The following ATRIP variants were observed in gnomAD, a reference collection of about 807,000 sequenced individuals.
The protein encoded by ATRIP is ATR-interacting protein.
In ATRIP, 44 loss-of-function variants were observed where a neutral mutation model predicts 78.1. The ratio of observed to expected loss-of-function variants is 0.56; its 90% CI spans 0.44 to 0.72. The LOEUF is 0.72. ATRIP is among the 30% of genes least tolerant of loss of function. The pLI is 0.00. For synonymous variants in ATRIP, 388 were observed against 408.9 expected (o/e 0.95, Z 0.62); for missense variants, 927 against 980.2 (o/e 0.95, Z 0.72).
In ATRIP at chr3:48,447,027, A is replaced by AAGT; in HGVS notation, c.182_183insAGT (p.Glu61_Glu62insVal). On this transcript the variant is annotated inframe_insertion, in exon 1 of 13. Coordinates refer to ENST00000320211, the MANE Select transcript of ATRIP (RefSeq NM_130384.3). ...GGGGACTTCACTGCCGACGACCTGG[A>AAGT]GGAGCTTGACACCCTCGCGTCACAG... 1 of 1,571,790 alleles carries AAGT rather than the reference A, an allele frequency of 6.4e-7. No individual in the cohort carries two copies. Among genetic ancestry groups the AAGT allele is most frequent in the Non-Finnish European group, 8.6e-7 (1 of 1,161,476 alleles).
chr3:48,453,616 G>A (rs2039885676), intron 3 of ATRIP, among the ~76,000 whole-genome samples: 1 of 152,196 alleles, frequency 6.6e-6, no homozygotes, highest in Non-Finnish European at 1.5e-5. Context: ...GGCAGTTACT[G>A]TTGGCTGTAG....
intron 2 of ATRIP, chr3:48,450,608 T>TC: frequency 1.9e-6 from 2 of 1,040,472 alleles, no homozygotes; most frequent in Admixed American, 5.5e-5. Flanking sequence ...TTTTTTTTTT[T>TC]TGGAGATGGA....
Position 48,460,669 on chromosome 3 carries a change from T to C in ATRIP, c.1615T>C (p.Leu539=), listed in dbSNP as rs2040080459. The C allele has an allele frequency of 1.9e-6, 3 of 1,614,196 alleles. No individual in the cohort carries two copies. Among genetic ancestry groups the C allele is most frequent in the East Asian group, 4.5e-5 (2 of 44,890 alleles). Reference sequence around the variant, plus strand: ...TGATGACCAAGGACAGCACCCACTGTTGAAGATGCTTCTTCACCTGTTGGC... The same window carrying C: ...TGATGACCAAGGACAGCACCCACTGCTGAAGATGCTTCTTCACCTGTTGGC... ...VADDQGQHPL[L]KMLLHLLAFS... Residue 539 remains leucine (L), a synonymous_variant, in exon 8 of 13, where the codon TTG becomes CTG. Transcript: ENST00000320211.
chr3:48,455,718 G>A (rs909009332), intron 4 of ATRIP, among the ~76,000 whole-genome samples: 2 of 151,466 alleles, frequency 1.3e-5, no homozygotes, highest in African/African-American at 4.8e-5. Flanking sequence ...AGCTGCTCTC[G>A]AACTCCTGAC....
chr3:48,450,750 C>T (rs1340633737), intron 2 of ATRIP, among the ~76,000 whole-genome samples: 1 of 151,976 alleles, frequency 6.6e-6, no homozygotes, highest in Non-Finnish European at 1.5e-5. Flanking sequence ...CGACGCCCAG[C>T]TAATTCTTGT....
At position 48,459,861 on chromosome 3, in the gene ATRIP, A is replaced by C. The variant is rs1660968456; in HGVS notation, c.1000A>C (p.Ser334Arg). The change falls in exon 7 of 13, where the codon AGT becomes CGT. Residue 334 changes from serine (S) to arginine (R), a missense_variant. Ser to Arg is a moderately radical substitution (Grantham distance 110, BLOSUM62 -1). Transcript: ENST00000320211. Reference sequence around the variant, plus strand: ...ATCCCTAAGCCTTTGCCACCTCCTGAGTAGTAGTTCTGAGTCTCCTGCTGG... The same window carrying C: ...ATCCCTAAGCCTTTGCCACCTCCTGCGTAGTAGTTCTGAGTCTCCTGCTGG... ...GSSLSLCHLL[S>R]SSSESPAGTP... 8.1e-6 allele frequency: 13 copies of C among 1,613,904 alleles called. No individual in the cohort carries two copies. The highest frequency in any genetic ancestry group is 1.1e-5 in the Non-Finnish European group (13 of 1,179,932).
intron 2 of ATRIP, among the ~76,000 whole-genome samples, chr3:48,451,128 G>A (rs1250579439): frequency 1.3e-5 from 2 of 151,816 alleles, no homozygotes; most frequent in East Asian, 3.9e-4. Context: ...GGTGAAGGTT[G>A]CAGTGAGCCG....
Position 48,451,891 on chromosome 3 carries a change from T to A in ATRIP, c.544T>A (p.Ser182Thr), listed in dbSNP as rs569929723. ...ACTCAGTGACAAGGAAAAGGAATTC[T>A]CCAAAAAGGTGACCCAGAGCATTTG... ...QALSDKEKEF[S>T]KKLQSLQSEL... Residue 182 changes from serine (S) to threonine (T), a missense_variant, in exon 3 of 13, where the codon TCC becomes ACC. Physicochemically the swap from Ser to Thr is moderately conservative, Grantham distance 58 (BLOSUM62 1). Coordinates refer to ENST00000320211, the MANE Select transcript of ATRIP (RefSeq NM_130384.3). 1.4e-5 allele frequency: 22 copies of A among 1,602,818 alleles called. 1 individual carries two copies. The South Asian group carries it at 2.1e-4, about 16-fold the overall frequency.
intron 4 of ATRIP, among the ~76,000 whole-genome samples, chr3:48,455,671 T>A (rs997508286): frequency 3.3e-5 from 5 of 151,862 alleles, no homozygotes; most frequent in Non-Finnish European, 7.4e-5. Context: ...TTTGTATTTT[T>A]TTTTTAAGTA....
At position 48,460,501 on chromosome 3, in the gene ATRIP, C is replaced by T; in HGVS notation, c.1447C>T (p.Gln483Ter). Residue 483 changes from glutamine to a stop codon, truncating the protein, a stop_gained, in exon 8 of 13, where the codon CAG becomes TAG. Transcript: ENST00000320211. LOFTEE classifies it high-confidence loss of function. ...GFSVTALSIL[Q>*]HLVCHSGAVV... Reference sequence around the variant, plus strand: ...CTCTGTGACTGCACTTAGCATTCTTCAGCACCTGGTGTGCCACAGCGGAGC... The same window carrying T: ...CTCTGTGACTGCACTTAGCATTCTTTAGCACCTGGTGTGCCACAGCGGAGC... The T allele has an allele frequency of 6.2e-7, 1 of 1,612,486 alleles. No individual in the cohort carries two copies. The highest frequency in any genetic ancestry group is 1.7e-5 in the Admixed American group (1 of 59,872).
At chr3:48,447,150 T>C (rs748988992) in intron 1 of ATRIP, 58 bp downstream of exon 1, 54 of 1,401,252 alleles carry the variant, frequency 3.9e-5, no homozygotes, top group Non-Finnish European at 4.7e-5. Context: ...CCAGATCCCC[T>C]TGATGGCTGT....
At chr3:48,462,955 A>G (rs1345479650) in intron 8 of ATRIP, among the ~76,000 whole-genome samples, 1 of 152,186 alleles carries the variant, frequency 6.6e-6, no homozygotes, top group Non-Finnish European at 1.5e-5. Context: ...CACCCCACAT[A>G]GTGAGACCTT....
rs758305782 is a variant in ATRIP at position 48,465,034 on chromosome 3, G to A, written c.2259G>A (p.Pro753=). The change falls in exon 12 of 13, where the codon CCG becomes CCA. Residue 753 remains proline, a synonymous_variant. Transcript: ENST00000320211. The stretch of plus-strand genomic sequence containing the variant: ...TGCATCAGTTTGACCAGGTGATGCC[G>A]GGGGTCAGCATGCTCATCCGAGGGC... The part of the protein sequence containing the change: ...EVLHQFDQVM[P]GVSMLIRGLP... The A allele has an allele frequency of 5.9e-5, 95 of 1,613,516 alleles. 1 individual carries two copies. The highest frequency in any genetic ancestry group is 1.6e-4 in the Middle Eastern group (1 of 6,084).
At chr3:48,447,174 C>G in intron 1 of ATRIP, 82 bp downstream of exon 1, 2 of 1,354,242 alleles carry the variant, frequency 1.5e-6, no homozygotes, top group Non-Finnish European at 1.9e-6. Context: ...TTCGGAACCT[C>G]GCGGCCAGCA....
chr3:48,460,903 C>T, intron 8 of ATRIP, 104 bp downstream of exon 8: 2 of 1,130,224 alleles, frequency 1.8e-6, no homozygotes, highest in Non-Finnish European at 2.5e-6. Flanking sequence ...CTTATCTACA[C>T]TAGTTAGTTC....
chr3:48,458,299 G>A (rs189409718), intron 5 of ATRIP, among the ~76,000 whole-genome samples: 50 of 147,784 alleles, frequency 3.4e-4, no homozygotes, highest in Admixed American at 2.1e-3. Context: ...TAGCTAGTAT[G>A]CAGGAATCTG....
intron 2 of ATRIP, among the ~76,000 whole-genome samples, chr3:48,451,209 G>T (rs2039828018): frequency 6.6e-6 from 1 of 151,838 alleles, no homozygotes; most frequent in Non-Finnish European, 1.5e-5. Context: ...AAGGAATCTG[G>T]TCAGGCAAGG....
Position 48,451,748 on chromosome 3 carries a change from A to T in ATRIP, c.401A>T (p.Glu134Val), listed in dbSNP as rs770921027. 3.1e-6 allele frequency: 5 copies of T among 1,596,866 alleles called. No individual in the cohort carries two copies. The highest frequency in any genetic ancestry group is 4.5e-5 in the East Asian group (2 of 44,608). ...LKEKMKVMEE[E>V]VLIKNGEIKI... is the part of the protein sequence containing the mutation. The stretch of plus-strand genomic sequence containing the variant: ...TTACAGATGAAAGTAATGGAAGAAG[A>T]AGTTCTCATTAAGAATGGAGAAATT... Residue 134 changes from glutamate to valine, a missense_variant, in exon 3 of 13, where the codon GAA (glutamate) becomes GTA (valine). Physicochemically the swap from Glu to Val is moderately radical, Grantham distance 121. Coordinates refer to ENST00000320211, the MANE Select transcript of ATRIP (RefSeq NM_130384.3).
At position 48,455,816 on chromosome 3, in the gene ATRIP, T is replaced by TA. The variant is rs1437509350; in HGVS notation, c.671+1404dup. On this transcript the variant is annotated intron_variant, in intron 4 of 12. Coordinates refer to ENST00000320211, the MANE Select transcript of ATRIP (RefSeq NM_130384.3). ...CCCAGCCTGGAAGTCTTGTGACTAT[T>TA]AAAAAATCGTTTGTTCCACATTGGC... Among the ~76,000 whole-genome samples the TA allele has an allele frequency of 4.0e-5, 6 of 151,856 alleles. 1 individual carries two copies. The highest frequency in any genetic ancestry group is 3.9e-4 in the Admixed American group (6 of 15,268).
Sources: allele counts gnomAD v4.1 joint callset (sites outside exome capture counted in the v4.1 genomes callset), GRCh38; gene constraint gnomAD v4.1.1; transcripts MANE v1.5; gene names NCBI Gene and HGNC (gene_info 2026-07-23, HGNC 2026-07-21).